Variants in ZFHX3 observed in about 807,000 individuals in gnomAD.
The protein encoded by ZFHX3 is zinc finger homeobox 3.
In ZFHX3, 42 loss-of-function variants were observed where a neutral mutation model predicts 279.1. The ratio of observed to expected loss-of-function variants is 0.15; its 90% CI spans 0.12 to 0.19. The LOEUF (loss-of-function observed/expected upper bound fraction) is 0.19. Among genes scored for constraint, ZFHX3 ranks in the 10% least tolerant of loss-of-function variants. The pLI is 1.00. For synonymous variants in ZFHX3, 2,293 were observed against 1,957.8 expected, an observed-to-expected ratio of 1.17 and a Z score of -4.52; for missense variants, 4,981 against 4,754.0, an observed-to-expected ratio of 1.05 and a Z score of -1.40.
At chr16:73,216,077 T>C (rs1442212244) in intron 5 of ZFHX3, among the ~76,000 whole-genome samples, 1 of 152,174 alleles carries the variant, frequency 6.6e-6, no homozygotes, top group Non-Finnish European at 1.5e-5. Context: ...GCTCAGCTGA[T>C]TCCAGTCAAG....
At chr16:73,659,932 T>A (rs932948984) in intron 2 of ZFHX3, among the ~76,000 whole-genome samples, 2 of 152,154 alleles carry the variant, frequency 1.3e-5, no homozygotes, top group Non-Finnish European at 2.9e-5. Flanking sequence ...TGGAGCGAGG[T>A]TGGTCACTGT....
chr16:73,140,105 A>G (rs1966843293), intron 6 of ZFHX3, among the ~76,000 whole-genome samples: 1 of 151,988 alleles, frequency 6.6e-6, no homozygotes, highest in African/African-American at 2.4e-5. Context: ...TATCTCTACA[A>G]ATAATTTGAA....
chr16:72,916,542 A>G (rs1208006207), intron 3 of ZFHX3, among the ~76,000 whole-genome samples: 1 of 152,250 alleles, frequency 6.6e-6, no homozygotes, highest in Non-Finnish European at 1.5e-5. Context: ...GGGAAGAAAC[A>G]GGTGAAATGT....
chr16:73,332,741 G>T (rs918322156), intron 3 of ZFHX3, among the ~76,000 whole-genome samples: 2 of 152,116 alleles, frequency 1.3e-5, no homozygotes, highest in Non-Finnish European at 2.9e-5. Context: ...GAATAAATAC[G>T]TAGTGATCTC....
At chr16:73,784,639 C>A (rs962179975) in intron 1 of ZFHX3, among the ~76,000 whole-genome samples, 1 of 151,528 alleles carries the variant, frequency 6.6e-6, no homozygotes. Flanking sequence ...CCCAGCTACT[C>A]GGGAGGCTGA....
intron 6 of ZFHX3, among the ~76,000 whole-genome samples, chr16:73,143,592 C>T (rs1043287539): frequency 1.3e-5 from 2 of 152,164 alleles, no homozygotes; most frequent in African/African-American, 4.8e-5. Context: ...TTTCTTGAAA[C>T]CCCAGGCACA....
In ZFHX3 at chr16:73,647,463, T is replaced by C. The variant is rs535994478; in HGVS notation, c.-1547+32717A>G. On this transcript the variant is annotated intron_variant, in intron 2 of 17. Coordinates refer to the ZFHX3 transcript ENST00000641206. Reference sequence around the variant, plus strand: ...TGATGGTTTAAAAGTATGCGGCACTTACCGCTTCACTCCCTCTCTCCTACT... The same window carrying C: ...TGATGGTTTAAAAGTATGCGGCACTCACCGCTTCACTCCCTCTCTCCTACT... Among the ~76,000 whole-genome samples the C allele has an allele frequency of 4.6e-5, 7 of 152,148 alleles. No homozygotes were observed. The South Asian group carries it at 8.3e-4, about 18-fold the overall frequency.
intron 1 of ZFHX3, among the ~76,000 whole-genome samples, chr16:73,811,079 A>G (rs1960412848): frequency 6.6e-6 from 1 of 152,208 alleles, no homozygotes; most frequent in Non-Finnish European, 1.5e-5. Context: ...CAAATAGAAA[A>G]AAAAAATTTC....
intron 7 of ZFHX3, among the ~76,000 whole-genome samples, chr16:73,119,910 C>A (rs1597163723): frequency 1.3e-5 from 2 of 152,084 alleles, no homozygotes; most frequent in African/African-American, 4.8e-5. Context: ...ATATTTACAA[C>A]AAACAAAAAA....
At chr16:73,644,648 G>A (rs1189902855) in intron 2 of ZFHX3, among the ~76,000 whole-genome samples, 2 of 151,186 alleles carry the variant, frequency 1.3e-5, no homozygotes, top group African/African-American at 2.4e-5. Context: ...GCGACAGAGC[G>A]AGACTCTTTC....
chr16:73,668,638 T>A (rs938567161), intron 2 of ZFHX3, among the ~76,000 whole-genome samples: 5 of 138,812 alleles, frequency 3.6e-5, no homozygotes, highest in African/African-American at 8.8e-5. Context: ...CATAAACTCA[T>A]CCTTTTTTTT....
chr16:73,156,919 G>A (rs993742870), intron 5 of ZFHX3, among the ~76,000 whole-genome samples: 6 of 152,106 alleles, frequency 3.9e-5, no homozygotes, highest in African/African-American at 1.2e-4. Context: ...TCACCATGTT[G>A]GCCAGGATGG....
intron 4 of ZFHX3, among the ~76,000 whole-genome samples, chr16:72,840,386 C>T (rs1357371410): frequency 6.6e-6 from 1 of 152,118 alleles, no homozygotes; most frequent in Non-Finnish European, 1.5e-5. Context: ...ACAAGAACGA[C>T]AGCCAGGGAA....
At chr16:73,527,651 C>T (rs1199788346) in intron 2 of ZFHX3, among the ~76,000 whole-genome samples, 14 of 152,204 alleles carry the variant, frequency 9.2e-5, no homozygotes, top group Admixed American at 8.5e-4. Flanking sequence ...CTTCTGTCTT[C>T]CTTGCTCTCT....
chr16:73,221,917 T>C (rs1236642067), intron 5 of ZFHX3, among the ~76,000 whole-genome samples: 2 of 152,172 alleles, frequency 1.3e-5, no homozygotes, highest in African/African-American at 4.8e-5. Flanking sequence ...GCACAATGTA[T>C]TATTGTACAG....
At chr16:73,019,343 C>CATAT (rs1555542114) in intron 1 of ZFHX3, among the ~76,000 whole-genome samples, 8 of 150,068 alleles carry the variant, frequency 5.3e-5, no homozygotes, top group Non-Finnish European at 1.0e-4. Flanking sequence ...TGTGTCTGTG[C>CATAT]GTGTGTGTGT....
chr16:73,166,208 A>G (rs532225023), intron 5 of ZFHX3, among the ~76,000 whole-genome samples: 2 of 152,288 alleles, frequency 1.3e-5, no homozygotes, highest in African/African-American at 2.4e-5. Flanking sequence ...ATAAAATACA[A>G]ATGGATATGT....
At chr16:73,835,068 G>T (rs1020268524) in intron 1 of ZFHX3, among the ~76,000 whole-genome samples, 25 of 152,294 alleles carry the variant, frequency 1.6e-4, no homozygotes, top group African/African-American at 5.5e-4. Context: ...TGGTAGCAAA[G>T]GTGCCACTCT....
chr16:73,280,688 C>T (rs994295993), intron 4 of ZFHX3, among the ~76,000 whole-genome samples: 3 of 151,916 alleles, frequency 2.0e-5, no homozygotes, highest in Non-Finnish European at 4.4e-5. Context: ...TAGAAAATAG[C>T]ATAGAGGTGG....
Sources: allele counts gnomAD v4.1 joint callset (sites outside exome capture counted in the v4.1 genomes callset), GRCh38; gene constraint gnomAD v4.1.1; transcripts MANE v1.5; gene names NCBI Gene and HGNC (gene_info 2026-07-23, HGNC 2026-07-21).